Variants in MEOX2 observed in about 807,000 individuals in gnomAD.
MEOX2 encodes mesenchyme homeobox 2, also known as homeobox protein MOX-2.
Under a neutral mutation model 27.0 loss-of-function variants are expected in MEOX2, and 11 were observed. That is an observed-to-expected ratio of 0.41 (90% CI 0.26 to 0.68). The LOEUF (loss-of-function observed/expected upper bound fraction) is 0.68, where lower values mean the gene tolerates loss of function less well. MEOX2 is among the 30% of genes least tolerant of loss of function. The probability of loss-of-function intolerance (pLI) is 0.33; values close to 1 mark genes in which losing one functional copy is unlikely to be tolerated. For missense variants in MEOX2, 436 were observed against 385.4 expected (o/e 1.13, Z -1.10); for synonymous variants, 189 against 155.4 (o/e 1.22, Z -1.61).
At chr7:15,644,845 A>T (rs778399791) in intron 1 of MEOX2, among the ~76,000 whole-genome samples, 27 of 152,158 alleles carry the variant, frequency 1.8e-4, no homozygotes, top group Non-Finnish European at 3.7e-4. Context: ...AAATACACCC[A>T]CCAAAGGGGA....
chr7:15,642,240 G>C (rs1211144106), intron 1 of MEOX2, among the ~76,000 whole-genome samples: 1 of 152,052 alleles, frequency 6.6e-6, no homozygotes, highest in African/African-American at 2.4e-5. Flanking sequence ...TCTCTCTCTG[G>C]AGAGCCTTCA....
intron 1 of MEOX2, among the ~76,000 whole-genome samples, chr7:15,648,360 A>T (rs1781681663): frequency 6.6e-6 from 1 of 152,148 alleles, no homozygotes; most frequent in Admixed American, 6.6e-5. Flanking sequence ...AACCAACTAT[A>T]CATAAAAAAT....
intron 1 of MEOX2, among the ~76,000 whole-genome samples, chr7:15,637,121 C>T (rs1249831102): frequency 6.6e-6 from 1 of 151,960 alleles, no homozygotes; most frequent in Non-Finnish European, 1.5e-5. Context: ...TCACTGAAGT[C>T]TGAAATGTTT....
chr7:15,624,089 C>A (rs2115358369), intron 2 of MEOX2, among the ~76,000 whole-genome samples: 1 of 152,212 alleles, frequency 6.6e-6, no homozygotes, highest in Non-Finnish European at 1.5e-5. Flanking sequence ...CATTTTATGC[C>A]TTGGGGAGAT....
At chr7:15,645,695 G>A (rs1010271398) in intron 1 of MEOX2, among the ~76,000 whole-genome samples, 1 of 152,106 alleles carries the variant, frequency 6.6e-6, no homozygotes, top group Non-Finnish European at 1.5e-5. Flanking sequence ...TTTCTCAAGT[G>A]GTATCTTGGC....
intron 1 of MEOX2, among the ~76,000 whole-genome samples, chr7:15,637,310 A>G (rs1407557600): frequency 6.6e-6 from 1 of 152,092 alleles, no homozygotes; most frequent in East Asian, 1.9e-4. Context: ...TCAGGCACTC[A>G]AAACTCACAT....
At chr7:15,666,751 CAAAAAAAAA>C (rs61294753) in intron 1 of MEOX2, among the ~76,000 whole-genome samples, 3 of 63,068 alleles carry the variant, frequency 4.8e-5, no homozygotes, top group East Asian at 7.1e-4. Context: ...GACTCTGTCT[CAAAAAAAAA>C]AAAAAAAAAA....
chr7:15,613,581 C>A (rs990228684), intron 2 of MEOX2, among the ~76,000 whole-genome samples: 8 of 151,952 alleles, frequency 5.3e-5, no homozygotes, highest in Non-Finnish European at 7.4e-5. Context: ...CTAAAAGTAC[C>A]ACAAGCCTGA....
intron 1 of MEOX2, among the ~76,000 whole-genome samples, chr7:15,673,219 TAA>T (rs2115392165): frequency 6.6e-6 from 1 of 152,202 alleles, no homozygotes; most frequent in African/African-American, 2.4e-5. Flanking sequence ...CTGATCCAAG[TAA>T]AAAACCAGAG....
At chr7:15,630,184 G>A (rs773275002) in intron 1 of MEOX2, among the ~76,000 whole-genome samples, 14 of 152,156 alleles carry the variant, frequency 9.2e-5, no homozygotes, top group African/African-American at 1.4e-4. Flanking sequence ...ATGTGTTCAG[G>A]TATGGTTGGC....
chr7:15,617,499 T>C (rs6943140), intron 2 of MEOX2, among the ~76,000 whole-genome samples: 101,790 of 151,342 alleles, frequency 0.67, 34,435 homozygotes, highest in East Asian at 0.81. Context: ...GAAGCAAGAA[T>C]GCTTAAAAGT....
At chr7:15,680,200 T>A (rs912270159) in intron 1 of MEOX2, 2 of 151,886 alleles carry the variant, frequency 1.3e-5, no homozygotes, top group Non-Finnish European at 2.9e-5. Context: ...TCAAGAGATT[T>A]TAAATGAAAA....
intron 1 of MEOX2, among the ~76,000 whole-genome samples, chr7:15,640,795 G>GT (rs1781547668): frequency 6.6e-6 from 1 of 152,014 alleles, no homozygotes; most frequent in African/African-American, 2.4e-5. Flanking sequence ...TATGGTTTTT[G>GT]TTTTTAATTC....
chr7:15,672,762 C>G (rs546653354), intron 1 of MEOX2, among the ~76,000 whole-genome samples: 12 of 151,756 alleles, frequency 7.9e-5, no homozygotes, highest in South Asian at 4.2e-4. Context: ...TATGGTGGCA[C>G]GTGCCTGTAG....
chr7:15,645,893 G>A (rs1781639326), intron 1 of MEOX2, among the ~76,000 whole-genome samples: 1 of 152,156 alleles, frequency 6.6e-6, no homozygotes, highest in Non-Finnish European at 1.5e-5. Flanking sequence ...ATATGTGTAT[G>A]TCCTTGTGGC....
chr7:15,678,623 T>C (rs1418047806), intron 1 of MEOX2, among the ~76,000 whole-genome samples: 1 of 152,226 alleles, frequency 6.6e-6, no homozygotes, highest in East Asian at 1.9e-4. Flanking sequence ...TACTGTGCAG[T>C]CCAGACAGTG....
Position 15,624,629 on chromosome 7 carries a change from C to G in MEOX2, c.690+2117G>C, listed in dbSNP as rs143968966. On this transcript the variant is annotated intron_variant, in intron 2 of 2. Transcript: ENST00000262041. Reference sequence around the variant, plus strand: ...AACCACAGCTGAGGCCCAACCATCTCTTTCTTAGTCAGCCCACCAGCTGAC... The same window carrying G: ...AACCACAGCTGAGGCCCAACCATCTGTTTCTTAGTCAGCCCACCAGCTGAC... Among the ~76,000 whole-genome samples the G allele has an allele frequency of 3.1e-3, 465 of 152,262 alleles. 8 individuals are homozygous for G. The highest frequency in any genetic ancestry group is 0.022 in the East Asian group (115 of 5,162).
intron 1 of MEOX2, among the ~76,000 whole-genome samples, chr7:15,672,640 C>G (rs538457561): frequency 1.7e-4 from 26 of 151,870 alleles, no homozygotes; most frequent in Admixed American, 1.4e-3. Context: ...CACCCATAAT[C>G]CCAACACTTT....
intron 1 of MEOX2, among the ~76,000 whole-genome samples, chr7:15,643,344 G>T (rs922272658): frequency 6.6e-6 from 1 of 152,152 alleles, no homozygotes; most frequent in Non-Finnish European, 1.5e-5. Flanking sequence ...GCTGGGTGAC[G>T]CTGGGTCAGG....
Sources: allele counts gnomAD v4.1 joint callset (sites outside exome capture counted in the v4.1 genomes callset), GRCh38; gene constraint gnomAD v4.1.1; transcripts MANE v1.5; gene names NCBI Gene and HGNC (gene_info 2026-07-23, HGNC 2026-07-21).